Variants in PDE4DIP observed in about 807,000 individuals in gnomAD.
PDE4DIP encodes phosphodiesterase 4D interacting protein.
PDE4DIP carries 59 observed loss-of-function variants against 221.4 expected under a neutral mutation model. The ratio of observed to expected loss-of-function variants is 0.27; its 90% CI spans 0.22 to 0.33. The LOEUF is 0.33. Among genes scored for constraint, PDE4DIP ranks in the 10% least tolerant of loss-of-function variants. The pLI is 1.00. For missense variants in PDE4DIP, 1,036 were observed against 2,154.2 expected, an observed-to-expected ratio of 0.48 and a Z score of 10.28; for synonymous variants, 404 against 815.9, an observed-to-expected ratio of 0.50 and a Z score of 8.60.
At chr1:149,023,264 CTTTA>C (rs1343168317) in intron 37 of PDE4DIP, among the ~76,000 whole-genome samples, 18 of 152,120 alleles carry the variant, frequency 1.2e-4, no homozygotes, top group Non-Finnish European at 2.2e-4. Context: ...ATTCATAAGT[CTTTA>C]TTTATCTACT....
At chr1:148,995,835 A>G (rs1401696772) in intron 22 of PDE4DIP, among the ~76,000 whole-genome samples, 6 of 150,272 alleles carry the variant, frequency 4.0e-5, no homozygotes, top group Non-Finnish European at 1.5e-5. Context: ...CACATTATGC[A>G]CATGTACCCT....
intron 21 of PDE4DIP, chr1:148,984,691 G>A (rs781926673): frequency 1.3e-5 from 2 of 152,004 alleles, no homozygotes; most frequent in Non-Finnish European, 2.9e-5. Context: ...GAAAGGAGTA[G>A]CAGATCACAT....
chr1:148,929,443 T>C (rs2047356489), intron 2 of PDE4DIP, 170 bp downstream of exon 5: 1 of 971,552 alleles, frequency 1.0e-6, no homozygotes, highest in Non-Finnish European at 1.5e-6. Context: ...GGGCTCTTTC[T>C]CTATTACTAG....
chr1:148,984,559 C>T (rs1202681698), intron 21 of PDE4DIP: 1 of 151,980 alleles, frequency 6.6e-6, no homozygotes, highest in African/African-American at 2.4e-5. Flanking sequence ...CTCATTCATC[C>T]TCCTAATTCA....
intron 41 of PDE4DIP, among the ~76,000 whole-genome samples, chr1:149,028,987 G>A (rs1328115952): frequency 1.3e-5 from 2 of 152,148 alleles, no homozygotes; most frequent in African/African-American, 2.4e-5. Flanking sequence ...CATAACCCTG[G>A]CCATCCATAA....
chr1:148,922,663 T>C lies in PDE4DIP; in HGVS notation c.142-6534T>C, dbSNP rs1265593415. Among the ~76,000 whole-genome samples the C allele has an allele frequency of 5.5e-4, 81 of 147,136 alleles. 2 individuals are homozygous for C. In the Middle Eastern group the frequency reaches 0.014, roughly 26 times the overall value. ...AGTGCAGTGGCGCGATCTCAGCGCA[T>C]TGCAAGCTCCGACTCCTGGGTTCAC... On this transcript the variant is annotated intron_variant, in intron 1 of 43. Transcript: ENST00000369354.
At chr1:149,010,511 G>A (rs1282231754) in exon 31 of PDE4DIP, 2 of 1,612,670 alleles carry the variant, frequency 1.2e-6, no homozygotes, top group African/African-American at 2.7e-5. Context: ...TGCATCTCAG[G>A]GGGCTAAGGC....
At chr1:149,025,891 C>T (rs1205976760) in intron 38 of PDE4DIP, 1 of 152,142 alleles carries the variant, frequency 6.6e-6, no homozygotes, top group Admixed American at 6.6e-5. Context: ...CCAAGCAAAC[C>T]GCCTGACCAC....
chr1:148,902,717 C>CACATAT (rs1553447627), intron 1 of PDE4DIP, among the ~76,000 whole-genome samples: 1 of 66,396 alleles, frequency 1.5e-5, no homozygotes, highest in African/African-American at 9.8e-5. Flanking sequence ...AGTATTCTAT[C>CACATAT]ATATATATAT....
At chr1:149,032,333 A>G in exon 44 of PDE4DIP, 2 of 569,348 alleles carry the variant, frequency 3.5e-6, no homozygotes, top group African/African-American at 1.9e-5. Flanking sequence ...TTCTTGCCTC[A>G]TCAGCTGTCC....
chr1:148,859,690 C>A (rs616390), intron 1 of PDE4DIP, among the ~76,000 whole-genome samples: 63,154 of 121,656 alleles, frequency 0.52, 16,595 homozygotes, highest in East Asian at 0.8. Flanking sequence ...TTGATATTTT[C>A]AAAAACTAGA....
At chr1:148,967,313 C>CCAGG (rs2058364378) in intron 12 of PDE4DIP, among the ~76,000 whole-genome samples, 1 of 152,032 alleles carries the variant, frequency 6.6e-6, no homozygotes, top group Non-Finnish European at 1.5e-5. Context: ...TGAAGCATTA[C>CCAGG]CAGGGTGCAA....
intron 14 of PDE4DIP, among the ~76,000 whole-genome samples, chr1:148,970,923 T>C (rs1167244017): frequency 2.0e-5 from 3 of 152,152 alleles, no homozygotes; most frequent in Non-Finnish European, 2.9e-5. Flanking sequence ...CCCCTAGAAA[T>C]TGTGACAAGA....
At chr1:148,961,863 G>A (rs1553510625) in exon 7 of PDE4DIP, 1 of 1,570,608 alleles carries the variant, frequency 6.4e-7, no homozygotes, top group East Asian at 2.2e-5. Flanking sequence ...TTAATGAAAT[G>A]AGCTATGAAC....
At chr1:148,893,275 C>T (rs1406444068) in intron 1 of PDE4DIP, among the ~76,000 whole-genome samples, 2 of 125,178 alleles carry the variant, frequency 1.6e-5, no homozygotes, top group East Asian at 3.8e-4. Context: ...GATGTAAGAA[C>T]GAGGGATTCG....
intron 5 of PDE4DIP, chr1:148,953,596 CTGT>C (rs1558961114): frequency 6.3e-7 from 1 of 1,599,502 alleles, no homozygotes; most frequent in Non-Finnish European, 8.6e-7. Flanking sequence ...GAAAGTGTGA[CTGT>C]TGTTCAGATG....
intron 1 of PDE4DIP, among the ~76,000 whole-genome samples, chr1:148,916,993 C>T (rs1272553116): frequency 1.4e-5 from 2 of 147,972 alleles, no homozygotes; most frequent in East Asian, 2.1e-4. Flanking sequence ...CAGACTTACC[C>T]CTGGCTTTTG....
At chr1:148,859,788 C>A (rs1201737282) in intron 1 of PDE4DIP, among the ~76,000 whole-genome samples, 19 of 123,398 alleles carry the variant, frequency 1.5e-4, no homozygotes, top group African/African-American at 6.5e-4. Context: ...CATATATTAC[C>A]ACTTTGTGTG....
chr1:148,907,768 T>A (rs3099819), intron 1 of PDE4DIP, among the ~76,000 whole-genome samples: 1 of 68,786 alleles, frequency 1.5e-5, no homozygotes, highest in African/African-American at 5.2e-5. Flanking sequence ...TGTCTTAACT[T>A]TAGATAACCT....
Sources: allele counts gnomAD v4.1 joint callset (sites outside exome capture counted in the v4.1 genomes callset), GRCh38; gene constraint gnomAD v4.1.1; transcripts MANE v1.5; gene names NCBI Gene and HGNC (gene_info 2026-07-23, HGNC 2026-07-21).